PCDHA4: variants seen among roughly 807,000 people sequenced by gnomAD.
The protein encoded by PCDHA4 is protocadherin alpha 4, also known as protocadherin alpha-4.
Under a neutral mutation model 61.4 loss-of-function variants are expected in PCDHA4, and 49 were observed. The observed-to-expected ratio is 0.80, with a 90% CI of 0.63 to 1.01. The LOEUF is 1.01. PCDHA4 is among the 50% of genes least tolerant of loss of function. The pLI, the probability that PCDHA4 is intolerant of heterozygous loss-of-function variation, is 0.00. For synonymous variants in PCDHA4, 590 were observed against 550.3 expected (o/e 1.07, Z -1.01); for missense variants, 1,254 against 1,235.8 (o/e 1.01, Z -0.22).
chr5:140,927,630 A>G (rs1408351955), intron 1 of PCDHA4: 3 of 1,614,064 alleles, frequency 1.9e-6, no homozygotes, highest in Non-Finnish European at 2.5e-6. Flanking sequence ...CAGAGACTGC[A>G]CCCAATGGGA....
intron 1 of PCDHA4, chr5:140,824,177 T>G: frequency 1.2e-6 from 2 of 1,609,658 alleles, no homozygotes; most frequent in African/African-American, 2.7e-5. Flanking sequence ...TTTTCAAATA[T>G]TAAATGTCAC....
chr5:140,877,076 T>G, intron 1 of PCDHA4: 1 of 1,613,022 alleles, frequency 6.2e-7, no homozygotes, highest in Non-Finnish European at 8.5e-7. Context: ...CAGTTCCAGG[T>G]GAGCGCGCGC....
chr5:140,927,731 T>G lies in PCDHA4; in HGVS notation c.2386-51218T>G, dbSNP rs781789205. 19 of 1,614,078 alleles carry G rather than the reference T, an allele frequency of 1.2e-5. No individual in the cohort carries two copies. The highest frequency in any genetic ancestry group is 1.4e-5 in the Non-Finnish European group (17 of 1,180,038). ...CTAAGCAACAGCACGCAAGCAGAGC[T>G]GCGACACCGCTTTCACGTGCACCCT... On this transcript the variant is annotated intron_variant, in intron 1 of 3. Transcript: ENST00000530339.
Position 140,877,726 on chromosome 5 carries a change from C to G in PCDHA4, c.2385+68154C>G, listed in dbSNP as rs781814794. On this transcript the variant is annotated intron_variant, in intron 1 of 3. Coordinates refer to ENST00000530339, the MANE Select transcript of PCDHA4 (RefSeq NM_018907.4). ...CGCCGTGGGGAGTTGGTCTTACTCGCAGCAGAGGAGGCAGAGGGTGTGCTC... is the reference window on the plus strand; with the variant it reads ...CGCCGTGGGGAGTTGGTCTTACTCGGAGCAGAGGAGGCAGAGGGTGTGCTC... 30 of 1,614,056 alleles carry G rather than the reference C, an allele frequency of 1.9e-5. No homozygotes were observed. In the African/African-American group the frequency reaches 3.7e-4, roughly 20 times the overall value.
At chr5:140,874,427 A>T (rs2054903457) in intron 1 of PCDHA4, among the ~76,000 whole-genome samples, 1 of 152,212 alleles carries the variant, frequency 6.6e-6, no homozygotes, top group African/African-American at 2.4e-5. Context: ...TTCTGAAGAG[A>T]AGCATGTCCT....
Position 140,822,678 on chromosome 5 carries a change from A to G in PCDHA4, c.2385+13106A>G, listed in dbSNP as rs2150118464. The G allele has an allele frequency of 3.1e-6, 5 of 1,609,592 alleles. No individual in the cohort carries two copies. In the African/African-American group the frequency reaches 4.0e-5, roughly 13 times the overall value. ...TAATTAATTCTAATACTGGTGAAAT[A>G]AAAGTTAACGGGGAACTGGATTATG... is the stretch of plus-strand genomic sequence containing the variant. On this transcript the variant is annotated intron_variant, in intron 1 of 3. Transcript: ENST00000530339.
At chr5:140,963,556 T>A (rs891498931) in intron 1 of PCDHA4, among the ~76,000 whole-genome samples, 28 of 152,238 alleles carry the variant, frequency 1.8e-4, no homozygotes, top group Non-Finnish European at 3.4e-4. Context: ...AAAAAGGGGC[T>A]GTTTTCTGGT....
Position 140,883,224 on chromosome 5 carries a change from C to A in PCDHA4, c.2385+73652C>A, listed in dbSNP as rs782659730. The stretch of plus-strand genomic sequence containing the variant: ...GAAGAAAAGAAATTATATGAAATAT[C>A]CGTGGAGGCAGTTGACAAAGGAAAT... On this transcript the variant is annotated intron_variant, in intron 1 of 3. Transcript: ENST00000530339. The A allele has an allele frequency of 1.2e-5, 20 of 1,613,828 alleles. 2 individuals carry two copies. In the South Asian group the frequency reaches 2.2e-4, roughly 18 times the overall value.
chr5:140,968,652 A>G, intron 1 of PCDHA4: 1 of 1,614,118 alleles, frequency 6.2e-7, no homozygotes, highest in Non-Finnish European at 8.5e-7. Context: ...CAGACTTCTG[A>G]CCTGGACCTC....
intron 1 of PCDHA4, chr5:140,830,448 C>A: frequency 1.2e-6 from 2 of 1,600,594 alleles, no homozygotes; most frequent in Non-Finnish European, 1.7e-6. Flanking sequence ...ATGGGTAAGG[C>A]GGAGAATCAG....
At position 140,846,335 on chromosome 5, in the gene PCDHA4, T is replaced by C. The variant is rs2150387066; in HGVS notation, c.2385+36763T>C. On this transcript the variant is annotated intron_variant, in intron 1 of 3. Transcript: ENST00000530339. The stretch of plus-strand genomic sequence containing the variant: ...ATGTAGAGTGTTGTAAATAGCCTTT[T>C]AAAGTGCTTTCTCTTTTTTCTTTTC... Among the ~76,000 whole-genome samples, 8 of 148,836 alleles carry C rather than the reference T, an allele frequency of 5.4e-5. 1 individual carries two copies. Among genetic ancestry groups the C allele is most frequent in the African/African-American group, 2.0e-4 (8 of 40,850 alleles).
chr5:140,940,485 ACAAGT>A (rs1554213400), intron 1 of PCDHA4, among the ~76,000 whole-genome samples: 1 of 151,718 alleles, frequency 6.6e-6, no homozygotes, highest in African/African-American at 2.4e-5. Flanking sequence ...TTTTTTCAAG[ACAAGT>A]CTTGCTCCGT....
At chr5:140,886,772 G>A (rs910164045) in intron 1 of PCDHA4, among the ~76,000 whole-genome samples, 16 of 143,450 alleles carry the variant, frequency 1.1e-4, no homozygotes, top group Non-Finnish European at 1.8e-4. Flanking sequence ...GTTGCAGTGA[G>A]ATGAGATCAT....
Position 140,850,860 on chromosome 5 carries a change from C to A in PCDHA4, c.2385+41288C>A, listed in dbSNP as rs2150500728. ...TGGATCTACAGAGCGAACGGGAGAACCCTCTGCTTCCTCAGATTCAACTGG... is the reference window on the plus strand; with the variant it reads ...TGGATCTACAGAGCGAACGGGAGAAACCTCTGCTTCCTCAGATTCAACTGG... On this transcript the variant is annotated intron_variant, in intron 1 of 3. Coordinates refer to ENST00000530339, the MANE Select transcript of PCDHA4 (RefSeq NM_018907.4). The A allele has an allele frequency of 3.1e-6, 5 of 1,593,234 alleles. 1 individual carries two copies. Among genetic ancestry groups the A allele is most frequent in the Non-Finnish European group, 4.3e-6 (5 of 1,164,206 alleles).
intron 1 of PCDHA4, among the ~76,000 whole-genome samples, chr5:140,898,903 C>T (rs1323359632): frequency 6.6e-6 from 1 of 152,100 alleles, no homozygotes; most frequent in Non-Finnish European, 1.5e-5. Context: ...AGAGGTCCTT[C>T]ACGTCCCTTG....
At chr5:140,970,650 ATTG>A (rs2096422935) in intron 1 of PCDHA4, among the ~76,000 whole-genome samples, 1 of 152,200 alleles carries the variant, frequency 6.6e-6, no homozygotes, top group South Asian at 2.1e-4. Flanking sequence ...ATAGTGATGA[ATTG>A]TTATCTTTCC....
At chr5:140,996,190 C>T (rs2097716017) in intron 3 of PCDHA4, among the ~76,000 whole-genome samples, 1 of 152,200 alleles carries the variant, frequency 6.6e-6, no homozygotes, top group African/African-American at 2.4e-5. Flanking sequence ...CCATTTTATA[C>T]CCTCAATGCA....
In PCDHA4 at chr5:140,876,987, G is replaced by C. The variant is rs782251799; in HGVS notation, c.2385+67415G>C. 11 of 1,612,658 alleles carry C rather than the reference G, an allele frequency of 6.8e-6. No homozygotes were observed. The South Asian group carries it at 9.9e-5, about 14-fold the overall frequency. ...GGCGGGTGGGCGAGCACGCACTGTC[G>C]AGCTACGTGTCGGTGCACGCGGAGA... On this transcript the variant is annotated intron_variant, in intron 1 of 3. Coordinates refer to ENST00000530339, the MANE Select transcript of PCDHA4 (RefSeq NM_018907.4).
At chr5:140,836,325 C>G in intron 1 of PCDHA4, 18 of 1,613,750 alleles carry the variant, frequency 1.1e-5, no homozygotes, top group Non-Finnish European at 1.4e-5. Context: ...CCACCGCCTT[C>G]TGGTGCTTGT....
Sources: allele counts gnomAD v4.1 joint callset (sites outside exome capture counted in the v4.1 genomes callset), GRCh38; gene constraint gnomAD v4.1.1; transcripts MANE v1.5; gene names NCBI Gene and HGNC (gene_info 2026-07-23, HGNC 2026-07-21).